BCL2: variants seen among roughly 807,000 people sequenced by gnomAD.
The protein encoded by BCL2 is BCL2 apoptosis regulator.
BCL2 carries 1 observed loss-of-function variant against 14.2 expected under a neutral mutation model. The ratio of observed to expected loss-of-function variants is 0.07; its 90% CI spans 0.02 to 0.33. The LOEUF is 0.33. Among genes scored for constraint, BCL2 ranks in the 10% least tolerant of loss-of-function variants. The pLI, the probability that BCL2 is intolerant of heterozygous loss-of-function variation, is 0.99. For synonymous variants in BCL2, 151 were observed against 137.2 expected, an observed-to-expected ratio of 1.10 and a Z score of -0.70; for missense variants, 247 against 305.9, an observed-to-expected ratio of 0.81 and a Z score of 1.44.
intron 2 of BCL2, among the ~76,000 whole-genome samples, chr18:63,274,852 T>A (rs1912110703): frequency 6.6e-6 from 1 of 152,124 alleles, no homozygotes; most frequent in South Asian, 2.1e-4. Flanking sequence ...TAAATATAAA[T>A]AAAAGCTTAA....
At chr18:63,258,679 C>T (rs185814670) in intron 2 of BCL2, among the ~76,000 whole-genome samples, 32 of 152,352 alleles carry the variant, frequency 2.1e-4, no homozygotes, top group Non-Finnish European at 3.7e-4. Flanking sequence ...ACACGGTCTC[C>T]GGCTTCAGGG....
At chr18:63,134,520 G>C (rs1314014985) in intron 2 of BCL2, among the ~76,000 whole-genome samples, 1 of 152,208 alleles carries the variant, frequency 6.6e-6, no homozygotes, top group Non-Finnish European at 1.5e-5. Context: ...CCCGAGCTCA[G>C]TGTGTGTTCT....
chr18:63,160,366 T>TGG (rs1914890631), intron 2 of BCL2, among the ~76,000 whole-genome samples: 1 of 152,246 alleles, frequency 6.6e-6, no homozygotes, highest in Non-Finnish European at 1.5e-5. Flanking sequence ...GGCACTCAGA[T>TGG]ACGCAACTAA....
chr18:63,269,243 C>T (rs572783691), intron 2 of BCL2, among the ~76,000 whole-genome samples: 59 of 152,218 alleles, frequency 3.9e-4, no homozygotes, highest in Middle Eastern at 3.4e-3. Flanking sequence ...TGTGACCCAC[C>T]ATGCTTTGGC....
intron 2 of BCL2, among the ~76,000 whole-genome samples, chr18:63,169,821 C>A (rs547455171): frequency 6.6e-6 from 1 of 152,090 alleles, no homozygotes; most frequent in Non-Finnish European, 1.5e-5. Flanking sequence ...CCGTGCCCAG[C>A]GCGTTTTCTT....
intron 2 of BCL2, among the ~76,000 whole-genome samples, 174 bp from the exon 3 acceptor site, chr18:63,128,933 A>G (rs999162147): frequency 5.3e-5 from 8 of 152,258 alleles, no homozygotes; most frequent in Admixed American, 1.3e-4. Flanking sequence ...CACTGTTTTC[A>G]TTAATTCAAG....
chr18:63,185,255 A>C (rs2144646135), intron 2 of BCL2, among the ~76,000 whole-genome samples: 1 of 152,348 alleles, frequency 6.6e-6, no homozygotes, highest in East Asian at 1.9e-4. Flanking sequence ...AGGATTTCTG[A>C]AGGAAGTATT....
chr18:63,272,435 C>A (rs987209418), intron 2 of BCL2, among the ~76,000 whole-genome samples: 14 of 152,116 alleles, frequency 9.2e-5, no homozygotes, highest in African/African-American at 3.4e-4. Flanking sequence ...ATTGTACATT[C>A]TGTAGTGCAT....
At chr18:63,276,488 C>A (rs1056024346) in intron 2 of BCL2, among the ~76,000 whole-genome samples, 5 of 152,192 alleles carry the variant, frequency 3.3e-5, no homozygotes, top group African/African-American at 1.2e-4. Flanking sequence ...CACAAATATT[C>A]TATGTCCCCC....
At chr18:63,261,853 C>G (rs1472165542) in intron 2 of BCL2, among the ~76,000 whole-genome samples, 1 of 151,012 alleles carries the variant, frequency 6.6e-6, no homozygotes, top group Non-Finnish European at 1.5e-5. Context: ...GATCCCAGGT[C>G]ACTGCAACCT....
At chr18:63,273,440 T>C (rs563021286) in intron 2 of BCL2, among the ~76,000 whole-genome samples, 1 of 152,258 alleles carries the variant, frequency 6.6e-6, no homozygotes, top group South Asian at 2.1e-4. Context: ...AAAAGCACAT[T>C]AACAATGACA....
intron 2 of BCL2, among the ~76,000 whole-genome samples, chr18:63,150,161 G>T (rs971853520): frequency 1.3e-5 from 2 of 152,228 alleles, no homozygotes; most frequent in Non-Finnish European, 2.9e-5. Context: ...GGGATTACAG[G>T]CGTGAGCCAC....
chr18:63,284,562 T>TGCAGTGCTTATGTGGCAATGCTTAA (rs1912411678), intron 2 of BCL2, among the ~76,000 whole-genome samples: 1 of 152,204 alleles, frequency 6.6e-6, no homozygotes, highest in Admixed American at 6.5e-5. Context: ...ACCCAGCCTC[T>TGCAGTGCTTATGTGGCAATGCTTAA]GCAGTGCTTA....
chr18:63,291,463 T>C (rs1212198313), intron 2 of BCL2, among the ~76,000 whole-genome samples: 3 of 152,228 alleles, frequency 2.0e-5, no homozygotes, highest in Non-Finnish European at 2.9e-5. Context: ...ATATGCCTGA[T>C]GCCCTTCAAC....
intron 2 of BCL2, among the ~76,000 whole-genome samples, chr18:63,273,536 TA>T (rs1178818570): frequency 6.6e-6 from 1 of 151,520 alleles, no homozygotes; most frequent in African/African-American, 2.4e-5. Context: ...GCCTATGCTT[TA>T]AAAAAAAATA....
chr18:63,133,501 T>A (rs1424776508), intron 2 of BCL2, among the ~76,000 whole-genome samples: 1 of 152,088 alleles, frequency 6.6e-6, no homozygotes, highest in Non-Finnish European at 1.5e-5. Context: ...TTGGCCAGGC[T>A]GGATTCAAAC....
intron 2 of BCL2, among the ~76,000 whole-genome samples, chr18:63,166,363 C>A (rs1915044312): frequency 6.6e-6 from 1 of 152,138 alleles, no homozygotes; most frequent in African/African-American, 2.4e-5. Flanking sequence ...AGCTCCAGGA[C>A]CCTGGACGGG....
chr18:63,277,049 C>T (rs1301357647), intron 2 of BCL2, among the ~76,000 whole-genome samples: 4 of 152,136 alleles, frequency 2.6e-5, no homozygotes, highest in Admixed American at 6.5e-5. Flanking sequence ...CCCTCCCTCC[C>T]ACTGCAATAC....
chr18:63,305,423 C>T (rs886983631), intron 2 of BCL2, among the ~76,000 whole-genome samples: 12 of 152,016 alleles, frequency 7.9e-5, no homozygotes, highest in South Asian at 2.1e-4. Context: ...CTTTGTTGGG[C>T]GAACTTTCTT....
Sources: allele counts gnomAD v4.1 joint callset (sites outside exome capture counted in the v4.1 genomes callset), GRCh38; gene constraint gnomAD v4.1.1; transcripts MANE v1.5; gene names NCBI Gene and HGNC (gene_info 2026-07-23, HGNC 2026-07-21).